Variants in CFH observed in about 807,000 individuals in gnomAD.
CFH encodes H factor 1 (complement).
Under a neutral mutation model 147.3 loss-of-function variants are expected in CFH, and 53 were observed. That is an observed-to-expected ratio of 0.36 (90% CI 0.29 to 0.45). The LOEUF (loss-of-function observed/expected upper bound fraction) is 0.45. Ranked by LOEUF, CFH falls within the 20% of genes least tolerant of loss-of-function variation. The pLI, the probability that CFH is intolerant of heterozygous loss-of-function variation, is 1.00. For synonymous variants in CFH, 536 were observed against 489.4 expected (o/e 1.10, Z -1.26); for missense variants, 1,380 against 1,498.0 (o/e 0.92, Z 1.30).
intron 15 of CFH, among the ~76,000 whole-genome samples, chr1:196,734,387 G>C (rs1432529464): frequency 2.6e-5 from 4 of 152,012 alleles, no homozygotes; most frequent in Non-Finnish European, 2.9e-5. Flanking sequence ...TCCCTGCCTA[G>C]CTCTTTATTT....
chr1:196,689,466 T>C lies in CFH; in HGVS notation c.1011T>C (p.His337=), dbSNP rs747797361. 1 of 1,613,484 alleles carries C rather than the reference T, an allele frequency of 6.2e-7. No homozygotes were observed. Among genetic ancestry groups the C allele is most frequent in the Non-Finnish European group, 8.5e-7 (1 of 1,179,632 alleles). ...YPDIKHGGLY[H]ENMRRPYFPV... Reference sequence around the variant, plus strand: ...ACATTAAACATGGAGGTCTATATCATGAGAATATGCGTAGACCATACTTTC... The same window carrying C: ...ACATTAAACATGGAGGTCTATATCACGAGAATATGCGTAGACCATACTTTC... Residue 337 remains histidine (H), a synonymous_variant, in exon 8 of 22, where the codon CAT becomes CAC. Transcript: ENST00000367429.
intron 6 of CFH, 61 bp from the exon 7 acceptor site, chr1:196,685,003 A>G: frequency 7.7e-7 from 1 of 1,294,434 alleles, no homozygotes; most frequent in Non-Finnish European, 1.1e-6. Context: ...ATGTTTATAT[A>G]AATGATTAAT....
chr1:196,738,083 G>A (rs1156775483), intron 17 of CFH, among the ~76,000 whole-genome samples: 5 of 152,090 alleles, frequency 3.3e-5, no homozygotes, highest in African/African-American at 4.8e-5. Context: ...AAAGGGAAAA[G>A]GCCCTTATAA....
At chr1:196,669,262 T>A (rs1414182309) in intron 1 of CFH, among the ~76,000 whole-genome samples, 3 of 152,136 alleles carry the variant, frequency 2.0e-5, no homozygotes, top group Admixed American at 2.0e-4. Flanking sequence ...AGCCTGATGA[T>A]GCAATAGAAA....
At chr1:196,685,367 C>T (rs1162122761) in intron 7 of CFH, 130 bp downstream of exon 7, 9 of 981,168 alleles carry the variant, frequency 9.2e-6, no homozygotes, top group Middle Eastern at 2.1e-4. Flanking sequence ...TGGAAGCATT[C>T]TTTAGTTTTC....
intron 15 of CFH, 56 bp downstream of exon 15, chr1:196,728,578 T>C: frequency 6.5e-7 from 1 of 1,533,228 alleles, no homozygotes; most frequent in African/African-American, 1.4e-5. Flanking sequence ...GGAAAAGTAA[T>C]AGGTATGTGT....
At chr1:196,698,259 A>T (rs926971460) in intron 9 of CFH, among the ~76,000 whole-genome samples, 2 of 152,076 alleles carry the variant, frequency 1.3e-5, no homozygotes, top group African/African-American at 4.8e-5. Flanking sequence ...GAGACATGAA[A>T]ACCCTTCAAA....
intron 6 of CFH, 118 bp from the exon 7 acceptor site, chr1:196,684,946 G>T (rs1483419875): frequency 7.8e-6 from 6 of 772,008 alleles, no homozygotes; most frequent in East Asian, 5.4e-5. Flanking sequence ...TCATTTTAAT[G>T]CCATTTTGTA....
intron 15 of CFH, among the ~76,000 whole-genome samples, chr1:196,732,537 T>C (rs1363059085): frequency 6.6e-6 from 1 of 152,048 alleles, no homozygotes; most frequent in Non-Finnish European, 1.5e-5. Flanking sequence ...TTTCTTTATT[T>C]TCTTTAACTC....
intron 9 of CFH, among the ~76,000 whole-genome samples, chr1:196,694,396 G>T (rs1169127851): frequency 6.6e-6 from 1 of 152,150 alleles, no homozygotes; most frequent in Non-Finnish European, 1.5e-5. Flanking sequence ...TCTTTATCCA[G>T]TCTATCATTG....
chr1:196,670,574 G>C (rs891274644), intron 1 of CFH, among the ~76,000 whole-genome samples: 3 of 152,152 alleles, frequency 2.0e-5, no homozygotes, highest in African/African-American at 7.2e-5. Context: ...ATCATGTGAA[G>C]AGGTCTTTCC....
intron 21 of CFH, among the ~76,000 whole-genome samples, chr1:196,746,845 C>T (rs1393515487): frequency 3.9e-5 from 6 of 152,132 alleles, no homozygotes; most frequent in South Asian, 2.1e-4. Flanking sequence ...AGTTCTAAAA[C>T]GCAGGGATCC....
intron 9 of CFH, among the ~76,000 whole-genome samples, chr1:196,690,880 C>T (rs1558162445): frequency 6.6e-6 from 1 of 152,082 alleles, no homozygotes; most frequent in Non-Finnish European, 1.5e-5. Flanking sequence ...TTGCTTTCTC[C>T]TTACTGTACA....
intron 9 of CFH, among the ~76,000 whole-genome samples, chr1:196,703,970 G>T (rs906988938): frequency 1.7e-4 from 16 of 92,554 alleles, no homozygotes; most frequent in African/African-American, 5.6e-4. Context: ...GGGGGACAGA[G>T]CAAGACTCTG....
At chr1:196,691,034 G>A (rs1668005044) in intron 9 of CFH, among the ~76,000 whole-genome samples, 2 of 151,966 alleles carry the variant, frequency 1.3e-5, no homozygotes, top group Admixed American at 1.3e-4. Context: ...GATTTTACAG[G>A]CTCCTCTTGT....
At chr1:196,734,816 A>C (rs1177874625) in intron 15 of CFH, among the ~76,000 whole-genome samples, 1 of 151,824 alleles carries the variant, frequency 6.6e-6, no homozygotes, top group African/African-American at 2.4e-5. Flanking sequence ...AATGCCTTTA[A>C]ATTTTCTCCA....
chr1:196,652,928 C>A (rs1324266057), intron 1 of CFH, among the ~76,000 whole-genome samples: 2 of 151,666 alleles, frequency 1.3e-5, no homozygotes, highest in Non-Finnish European at 3.0e-5. Flanking sequence ...AAAGCTTATT[C>A]TTGGAGGAGG....
chr1:196,668,127 T>G (rs1013140221), intron 1 of CFH, among the ~76,000 whole-genome samples: 3 of 152,222 alleles, frequency 2.0e-5, no homozygotes, highest in Admixed American at 2.0e-4. Context: ...AGCTTTTTTA[T>G]TTACTCTTCT....
rs549213437 is a variant in CFH at position 196,658,407 on chromosome 1, A to ATTTT, written c.58+6251_58+6254dup. On this transcript the variant is annotated intron_variant, in intron 1 of 21. Transcript: ENST00000367429. ...GGATTACAGCCACCTTGCTCAGGTAATTTTTTTTTTTTTTTTTTTTTTGAG... is the reference window on the plus strand; with the variant it reads ...GGATTACAGCCACCTTGCTCAGGTAATTTTTTTTTTTTTTTTTTTTTTTTTTGAG... Among the ~76,000 whole-genome samples, 597 of 92,230 alleles carry ATTTT rather than the reference A, an allele frequency of 6.5e-3. 73 individuals are homozygous for ATTTT. The highest frequency in any genetic ancestry group is 0.029 in the African/African-American group (548 of 19,086). 60.5% of individuals were successfully genotyped at this position (92,230 alleles called of 152,430 possible).
Sources: gnomAD v4.1 joint callset for allele counts (sites outside exome capture counted in the v4.1 genomes callset) on GRCh38, gnomAD v4.1.1 for gene constraint, MANE v1.5 for transcripts, NCBI Gene and HGNC (gene_info 2026-07-23, HGNC 2026-07-21) for gene names.